CEP20: variants seen among roughly 807,000 people sequenced by gnomAD.
CEP20 encodes centrosomal protein 20.
Under a neutral mutation model 20.0 loss-of-function variants are expected in CEP20, and 18 were observed. That is an observed-to-expected ratio of 0.90 (90% CI 0.62 to 1.34). The LOEUF (loss-of-function observed/expected upper bound fraction) is 1.34. Ranked by LOEUF, CEP20 falls within the 40% of genes most tolerant of loss-of-function variation. The pLI is 0.00. For synonymous variants in CEP20, 77 were observed against 73.7 expected (o/e 1.04, Z -0.23); for missense variants, 215 against 201.6 (o/e 1.07, Z -0.40).
chr16:15,868,877 T>C (rs1287712698), intron 4 of CEP20, among the ~76,000 whole-genome samples: 1 of 152,112 alleles, frequency 6.6e-6, no homozygotes, highest in African/African-American at 2.4e-5. Flanking sequence ...AGCTGATGAC[T>C]GTCCCTATTA....
At chr16:15,883,401 C>G (rs1053741535) in intron 2 of CEP20, among the ~76,000 whole-genome samples, 1 of 151,960 alleles carries the variant, frequency 6.6e-6, no homozygotes, top group African/African-American at 2.4e-5. Flanking sequence ...TCTCTGTTGC[C>G]CAGACTGGAG....
rs1303554936 is a variant in CEP20, at chr16:15,888,546, G to A, written c.28+12C>T. 1.2e-6 allele frequency: 2 copies of A among 1,613,984 alleles called. No homozygotes were observed. The highest frequency in any genetic ancestry group is 8.5e-7 in the Non-Finnish European group (1 of 1,180,012). ...ACGCTTCCCATGTGGAGGCCTCCCT[G>A]CTCGCACTCACCAGCCTTCAACTCT... On this transcript the variant is annotated intron_variant, in intron 1 of 4. Coordinates refer to ENST00000255759, the MANE Select transcript of CEP20 (RefSeq NM_144600.4).
At chr16:15,871,544 A>T (rs896797402) in intron 4 of CEP20, among the ~76,000 whole-genome samples, 4 of 152,220 alleles carry the variant, frequency 2.6e-5, no homozygotes, top group Non-Finnish European at 4.4e-5. Context: ...ATCCCTAAAA[A>T]GAGAATTTGG....
intron 4 of CEP20, among the ~76,000 whole-genome samples, chr16:15,868,758 G>A (rs1056467193): frequency 6.6e-6 from 1 of 151,766 alleles, no homozygotes; most frequent in Non-Finnish European, 1.5e-5. Context: ...AACTTTGCTG[G>A]ACAGAAAAAA....
intron 3 of CEP20, chr16:15,877,084 C>T (rs2044970947): frequency 6.6e-6 from 1 of 152,138 alleles, no homozygotes; most frequent in Non-Finnish European, 1.5e-5. Context: ...CATTTCCTAA[C>T]CTCGTGATCT....
chr16:15,888,168 T>C (rs776099662), intron 1 of CEP20, among the ~76,000 whole-genome samples: 6 of 150,376 alleles, frequency 4.0e-5, no homozygotes, highest in Non-Finnish European at 7.4e-5. Context: ...TTTAGGGCAG[T>C]GCCTAACCCA....
intron 3 of CEP20, among the ~76,000 whole-genome samples, chr16:15,876,688 G>GTAAATA (rs1276235928): frequency 2.0e-5 from 3 of 152,120 alleles, no homozygotes; most frequent in Admixed American, 6.5e-5. Context: ...CAGCACTGCA[G>GTAAATA]ATCTGTAAGT....
In CEP20 at chr16:15,866,508, C is replaced by T. The variant is rs931962499; in HGVS notation, c.*932G>A. ...ACTTCTTTAATAAATATCGAAGTAG[C>T]GTATTAGAGATAGCACATACTATTT... On this transcript the variant is annotated 3_prime_UTR_variant, in exon 5 of 5. Coordinates refer to ENST00000255759, the MANE Select transcript of CEP20 (RefSeq NM_144600.4). 9.9e-5 allele frequency: 15 copies of T among 152,132 alleles called. No individual in the cohort carries two copies. Among genetic ancestry groups the T allele is most frequent in the Non-Finnish European group, 1.6e-4 (11 of 68,032 alleles). 9.4% of individuals were successfully genotyped at this position (152,132 alleles called of 1,614,324 possible). A position where few individuals can be genotyped will look rare whatever the true frequency, so the allele number is the denominator to read the frequency against.
intron 3 of CEP20, among the ~76,000 whole-genome samples, chr16:15,874,755 T>C (rs1201713886): frequency 6.6e-6 from 1 of 152,204 alleles, no homozygotes; most frequent in African/African-American, 2.4e-5. Context: ...CTTCCAAAGA[T>C]GGAATCTCAT....
intron 3 of CEP20, among the ~76,000 whole-genome samples, chr16:15,878,435 G>C (rs1178634549): frequency 6.6e-6 from 1 of 151,980 alleles, no homozygotes; most frequent in Non-Finnish European, 1.5e-5. Flanking sequence ...ATTTGTGGGA[G>C]AGTTAGATTT....
At chr16:15,870,388 C>T (rs1596987533) in intron 4 of CEP20, among the ~76,000 whole-genome samples, 2 of 152,116 alleles carry the variant, frequency 1.3e-5, no homozygotes, top group African/African-American at 4.8e-5. Context: ...AGTGTATAGA[C>T]TGATAAAGCC....
intron 4 of CEP20, among the ~76,000 whole-genome samples, chr16:15,872,188 C>G (rs181698317): frequency 3.3e-5 from 5 of 152,080 alleles, no homozygotes; most frequent in Non-Finnish European, 5.9e-5. Context: ...GTGATGGGCG[C>G]CTGTAGTCCC....
chr16:15,873,990 C>A (rs1276636329), intron 3 of CEP20, among the ~76,000 whole-genome samples: 1 of 152,188 alleles, frequency 6.6e-6, no homozygotes, highest in Non-Finnish European at 1.5e-5. Context: ...TCAATAAACA[C>A]CTCTTGATTA....
At chr16:15,880,980 G>A (rs1246619666) in intron 2 of CEP20, among the ~76,000 whole-genome samples, 1 of 151,864 alleles carries the variant, frequency 6.6e-6, no homozygotes, top group African/African-American at 2.4e-5. Flanking sequence ...CTACATTATG[G>A]TGAGTTATAA....
In CEP20 at chr16:15,887,558, C is replaced by T. The variant is rs552155200; in HGVS notation, c.28+1000G>A. Among the ~76,000 whole-genome samples, 7 of 152,278 alleles carry T rather than the reference C, an allele frequency of 4.6e-5. No homozygotes were observed. In the East Asian group the frequency reaches 1.4e-3, roughly 29 times the overall value. On this transcript the variant is annotated intron_variant, in intron 1 of 4. Transcript: ENST00000255759. Reference sequence around the variant, plus strand: ...TTTGAGCTATTTCACTTCTCAGTACCTCGTTTCCCAGTCTATGAAATGGGC... The same window carrying T: ...TTTGAGCTATTTCACTTCTCAGTACTTCGTTTCCCAGTCTATGAAATGGGC...
chr16:15,888,473 T>C (rs2045299427), intron 1 of CEP20, 85 bp downstream of exon 1: 4 of 1,575,536 alleles, frequency 2.5e-6, no homozygotes, highest in Non-Finnish European at 3.5e-6. Flanking sequence ...ACCCATGTGT[T>C]CCGCGCGCTC....
rs575441668 is a variant in CEP20, at chr16:15,867,580, T to C, written c.449-64A>G. Reference sequence around the variant, plus strand: ...GTCAAAACACACAGATAGGTAGACATAGCTACAAATATCTTAGGATGTTAC... The same window carrying C: ...GTCAAAACACACAGATAGGTAGACACAGCTACAAATATCTTAGGATGTTAC... On this transcript the variant is annotated intron_variant, in intron 4 of 4. Coordinates refer to ENST00000255759, the MANE Select transcript of CEP20 (RefSeq NM_144600.4). 3.8e-5 allele frequency: 39 copies of C among 1,023,982 alleles called. No individual in the cohort carries two copies. In the South Asian group the frequency reaches 5.2e-4, roughly 14 times the overall value. The allele number at this position is 1,023,982 out of a possible 1,614,324, so 63.4% of individuals were successfully genotyped here. A position where few individuals can be genotyped will look rare whatever the true frequency, so the allele number is the denominator to read the frequency against.
At chr16:15,875,987 A>C (rs553952943) in intron 3 of CEP20, among the ~76,000 whole-genome samples, 129 of 151,702 alleles carry the variant, frequency 8.5e-4, no homozygotes, top group Non-Finnish European at 1.3e-3. Context: ...AATCCCAGCT[A>C]CTCAGGAGGC....
At chr16:15,872,533 C>A (rs1020062408) in intron 4 of CEP20, among the ~76,000 whole-genome samples, 29 of 152,012 alleles carry the variant, frequency 1.9e-4, no homozygotes, top group Non-Finnish European at 3.5e-4. Context: ...ACGGTTGAGA[C>A]TTCCATGTCC....
Sources: gnomAD v4.1 joint callset for allele counts (sites outside exome capture counted in the v4.1 genomes callset) on GRCh38, gnomAD v4.1.1 for gene constraint, MANE v1.5 for transcripts, NCBI Gene and HGNC (gene_info 2026-07-23, HGNC 2026-07-21) for gene names.